LRRTM3: variants seen among roughly 807,000 people sequenced by gnomAD.
The protein encoded by LRRTM3 is leucine-rich repeat transmembrane neuronal protein 3.
Under a neutral mutation model 44.7 loss-of-function variants are expected in LRRTM3, and 24 were observed. The observed-to-expected ratio is 0.54, with a 90% CI of 0.39 to 0.76. The LOEUF is 0.76. Ranked by LOEUF, LRRTM3 falls within the 30% of genes least tolerant of loss-of-function variation. The probability of loss-of-function intolerance (pLI) is 0.00; values close to 1 mark genes in which losing one functional copy is unlikely to be tolerated. For synonymous variants in LRRTM3, 277 were observed against 278.7 expected, an observed-to-expected ratio of 0.99 and a Z score of 0.06; for missense variants, 587 against 702.2, an observed-to-expected ratio of 0.84 and a Z score of 1.85.
At chr10:67,023,848 A>C (rs1853183753) in intron 2 of LRRTM3, among the ~76,000 whole-genome samples, 1 of 152,210 alleles carries the variant, frequency 6.6e-6, no homozygotes, top group South Asian at 2.1e-4. Context: ...TTTGCTACAG[A>C]TTATGTAACT....
intron 2 of LRRTM3, among the ~76,000 whole-genome samples, chr10:66,967,635 T>C (rs891407648): frequency 3.3e-5 from 5 of 151,892 alleles, no homozygotes; most frequent in Non-Finnish European, 5.9e-5. Context: ...TTTTCCCAGA[T>C]CAAATAAAAA....
At chr10:67,076,482 TA>T (rs1856758617) in intron 2 of LRRTM3, among the ~76,000 whole-genome samples, 1 of 152,210 alleles carries the variant, frequency 6.6e-6, no homozygotes, top group South Asian at 2.1e-4. Context: ...TCCAAGAATC[TA>T]TTTCCAGGAC....
intron 2 of LRRTM3, among the ~76,000 whole-genome samples, chr10:66,967,913 C>A (rs1015827790): frequency 6.6e-6 from 1 of 152,030 alleles, no homozygotes; most frequent in Non-Finnish European, 1.5e-5. Flanking sequence ...GTAATAAAAT[C>A]TATGATTCAG....
At chr10:67,011,925 C>A (rs978754835) in intron 2 of LRRTM3, among the ~76,000 whole-genome samples, 1 of 152,156 alleles carries the variant, frequency 6.6e-6, no homozygotes, top group Admixed American at 6.6e-5. Flanking sequence ...CCCTTGAAAC[C>A]CACTATGGAG....
chr10:66,957,310 C>T (rs895731935), intron 2 of LRRTM3, among the ~76,000 whole-genome samples: 2 of 150,650 alleles, frequency 1.3e-5, no homozygotes, highest in Non-Finnish European at 3.0e-5. Context: ...TGAAAGAATA[C>T]ATTTATTCCA....
At chr10:67,013,490 C>G (rs921060550) in intron 2 of LRRTM3, among the ~76,000 whole-genome samples, 11 of 152,168 alleles carry the variant, frequency 7.2e-5, no homozygotes, top group East Asian at 5.8e-4. Context: ...ATTTCAAAGT[C>G]CATTCACGTG....
rs1020079642 is a variant in LRRTM3 at position 66,999,713 on chromosome 10, A to C, written c.1536+71261A>C. The stretch of plus-strand genomic sequence containing the variant: ...TAGAAATGAATAATGTACATTTCAT[A>C]AGTCTTTAAGCAAAAAACAATTGGC... On this transcript the variant is annotated intron_variant, in intron 2 of 2. Transcript: ENST00000361320. Among the ~76,000 whole-genome samples the C allele has an allele frequency of 2.0e-5, 3 of 152,198 alleles. No individual in the cohort carries two copies. In the East Asian group the frequency reaches 5.8e-4, roughly 29 times the overall value.
intron 2 of LRRTM3, among the ~76,000 whole-genome samples, chr10:67,038,596 T>A (rs1176058679): frequency 6.6e-6 from 1 of 152,122 alleles, no homozygotes; most frequent in African/African-American, 2.4e-5. Flanking sequence ...ACATTAAATG[T>A]GCATAATAGC....
chr10:66,927,708 G>T lies in LRRTM3; in HGVS notation c.792G>T (p.Glu264Asp). The change falls in exon 2 of 3, where the codon GAG becomes GAT. Residue 264 changes from glutamate to aspartate, a missense_variant. Glu to Asp is a conservative substitution (Grantham distance 45). Transcript: ENST00000361320. The surrounding 1 kb of genome is among the most constrained non-coding windows in gnomAD (Gnocchi z 4.7). ...SLQRLDLSGN[E>D]IEAFSGPSVF... ...AAAGGCTTGATTTATCAGGCAATGA[G>T]ATCGAAGCTTTCAGTGGACCCAGTG... 1 of 1,614,214 alleles carries T rather than the reference G, an allele frequency of 6.2e-7. No individual in the cohort carries two copies. Among genetic ancestry groups the T allele is most frequent in the Non-Finnish European group, 8.5e-7 (1 of 1,180,050 alleles).
chr10:67,071,377 T>C (rs865818304), intron 2 of LRRTM3, among the ~76,000 whole-genome samples: 1 of 150,492 alleles, frequency 6.6e-6, no homozygotes, highest in African/African-American at 2.4e-5. Flanking sequence ...ATATTTTCAA[T>C]AGATATATTT....
chr10:66,996,805 T>A (rs1851378772), intron 2 of LRRTM3, among the ~76,000 whole-genome samples: 2 of 151,994 alleles, frequency 1.3e-5, no homozygotes, highest in Non-Finnish European at 2.9e-5. Flanking sequence ...GCATTTGAAA[T>A]TTTGCTCTAC....
At chr10:66,971,258 T>C (rs1185090925) in intron 2 of LRRTM3, among the ~76,000 whole-genome samples, 1 of 151,972 alleles carries the variant, frequency 6.6e-6, no homozygotes, top group Non-Finnish European at 1.5e-5. Flanking sequence ...AAACCCCGTC[T>C]CTACTAAAAA....
chr10:66,985,172 A>T (rs1850659017), intron 2 of LRRTM3, among the ~76,000 whole-genome samples: 1 of 152,176 alleles, frequency 6.6e-6, no homozygotes, highest in African/African-American at 2.4e-5. Context: ...TACCACCTTT[A>T]TCAGTCATGG....
rs900308276 is a variant in LRRTM3 at position 66,930,495 on chromosome 10, A to T, written c.1536+2043A>T. Among the ~76,000 whole-genome samples, 252 of 152,278 alleles carry T rather than the reference A, an allele frequency of 1.7e-3. 2 individuals are homozygous for T. Among genetic ancestry groups the T allele is most frequent in the African/African-American group, 5.5e-3 (230 of 41,564 alleles). On this transcript the variant is annotated intron_variant, in intron 2 of 2. Transcript: ENST00000361320. ...GGCTAGCCTCATTTTTATCTGTACT[A>T]AAGATGTTTGTATTAATGAAATGCA...
At chr10:67,030,832 C>T (rs560884804) in intron 2 of LRRTM3, among the ~76,000 whole-genome samples, 40 of 152,056 alleles carry the variant, frequency 2.6e-4, no homozygotes, top group African/African-American at 9.2e-4. Flanking sequence ...GGTGAAACCC[C>T]GTCTCTACTA....
At chr10:67,081,312 T>C (rs1232227831) in intron 2 of LRRTM3, among the ~76,000 whole-genome samples, 1 of 152,190 alleles carries the variant, frequency 6.6e-6, no homozygotes, top group African/African-American at 2.4e-5. Context: ...GTGAAATATG[T>C]AGAAAAAGAA....
chr10:66,951,318 G>T (rs939401770), intron 2 of LRRTM3, among the ~76,000 whole-genome samples: 1 of 151,998 alleles, frequency 6.6e-6, no homozygotes, highest in African/African-American at 2.4e-5. Context: ...GTTTCACCAT[G>T]TTGGCCAGGC....
chr10:66,979,344 A>G (rs1453191363), intron 2 of LRRTM3, among the ~76,000 whole-genome samples: 1 of 152,216 alleles, frequency 6.6e-6, no homozygotes, highest in Non-Finnish European at 1.5e-5. Context: ...TTGTGAAAAT[A>G]GTATTCAATT....
intron 2 of LRRTM3, among the ~76,000 whole-genome samples, chr10:66,937,297 C>A (rs887366705): frequency 1.3e-5 from 2 of 152,110 alleles, no homozygotes; most frequent in Admixed American, 1.3e-4. Flanking sequence ...GGGATTGTTG[C>A]AAGAAGGCAA....
Sources: allele counts gnomAD v4.1 joint callset (sites outside exome capture counted in the v4.1 genomes callset), GRCh38; gene constraint gnomAD v4.1.1; non-coding constraint Gnocchi (gnomAD v3.1); transcripts MANE v1.5; gene names NCBI Gene and HGNC (gene_info 2026-07-23, HGNC 2026-07-21).